KLHL29: variants seen among roughly 807,000 people sequenced by gnomAD.
KLHL29 encodes the protein kelch-like protein 29.
A neutral mutation model predicts 80.4 loss-of-function variants in KLHL29; 21 were observed. The observed-to-expected ratio is 0.26, with a 90% CI of 0.19 to 0.38. The LOEUF is 0.38. Ranked by LOEUF, KLHL29 falls within the 10% of genes least tolerant of loss-of-function variation. The pLI is 1.00. For missense variants in KLHL29, 867 were observed against 1,223.9 expected, an observed-to-expected ratio of 0.71 and a Z score of 4.35; for synonymous variants, 511 against 526.8, an observed-to-expected ratio of 0.97 and a Z score of 0.41.
At chr2:23,544,341 T>C (rs1200954524) in intron 2 of KLHL29, among the ~76,000 whole-genome samples, 1 of 152,104 alleles carries the variant, frequency 6.6e-6, no homozygotes, top group Admixed American at 6.5e-5. Flanking sequence ...TGAGAGCAGG[T>C]CTCCGGGGCT....
intron 5 of KLHL29, among the ~76,000 whole-genome samples, chr2:23,652,339 A>G (rs1426141304): frequency 1.3e-5 from 2 of 152,214 alleles, no homozygotes; most frequent in African/African-American, 4.8e-5. Flanking sequence ...ACTAAGCAGG[A>G]ACCACCGATC....
intron 12 of KLHL29, 149 bp from the exon 13 acceptor site, chr2:23,703,570 T>C (rs769425403): frequency 8.1e-6 from 9 of 1,114,388 alleles, no homozygotes; most frequent in Non-Finnish European, 1.1e-5. Context: ...GGCTCCAGGT[T>C]CCCCTAGGCC....
chr2:23,435,492 C>T (rs529322906), intron 1 of KLHL29, among the ~76,000 whole-genome samples: 157 of 152,120 alleles, frequency 1.0e-3, no homozygotes, highest in African/African-American at 3.6e-3. Context: ...ACAGTCATAG[C>T]GTGACAAAGA....
Position 23,627,680 on chromosome 2 carries a change from C to G in KLHL29, c.286-11459C>G, listed in dbSNP as rs182665106. ...TCGGTGTGACTCTGCCGCGTCCCCT[C>G]TCTTGTTAGGTGTCTAATAAGGTCG... On this transcript the variant is annotated intron_variant, in intron 3 of 13. Transcript: ENST00000486442. Among the ~76,000 whole-genome samples, 677 of 152,128 alleles carry G rather than the reference C, an allele frequency of 4.5e-3. 6 individuals carry two copies. Among genetic ancestry groups the G allele is most frequent in the African/African-American group, 0.015 (638 of 41,492 alleles).
At chr2:23,458,308 A>G (rs1374417025) in intron 1 of KLHL29, among the ~76,000 whole-genome samples, 1 of 152,250 alleles carries the variant, frequency 6.6e-6, no homozygotes, top group South Asian at 2.1e-4. Context: ...CTGTTTCTAT[A>G]AAGTAAGTAT....
At chr2:23,442,017 G>C (rs1301575232) in intron 1 of KLHL29, among the ~76,000 whole-genome samples, 2 of 152,214 alleles carry the variant, frequency 1.3e-5, no homozygotes, top group African/African-American at 4.8e-5. Flanking sequence ...AGGTTTTGCA[G>C]ATGTGATTAA....
rs142807776 is a variant in KLHL29, at chr2:23,704,053, C to T, written c.2444+190C>T. ...GGTGGAGCCCACGGCAGCCTCTGGTCCAGGAGCCCAACCCCGGGGCTCCAG... is the reference window on the plus strand; with the variant it reads ...GGTGGAGCCCACGGCAGCCTCTGGTTCAGGAGCCCAACCCCGGGGCTCCAG... On this transcript the variant is annotated intron_variant, in intron 13 of 13. Transcript: ENST00000486442. Among the ~76,000 whole-genome samples the T allele has an allele frequency of 2.1e-3, 324 of 152,334 alleles. 1 individual carries two copies. The highest frequency in any genetic ancestry group is 3.6e-3 in the Non-Finnish European group (244 of 68,034).
chr2:23,677,000 G>C (rs1369542244), intron 5 of KLHL29, among the ~76,000 whole-genome samples: 1 of 152,194 alleles, frequency 6.6e-6, no homozygotes, highest in Non-Finnish European at 1.5e-5. Context: ...GCCCAAGCTG[G>C]CAGCCACCTC....
chr2:23,659,280 G>T (rs1163627018), intron 5 of KLHL29, among the ~76,000 whole-genome samples: 1 of 152,190 alleles, frequency 6.6e-6, no homozygotes, highest in Non-Finnish European at 1.5e-5. Context: ...TTACCTTCCA[G>T]ACACTCTTCT....
intron 2 of KLHL29, among the ~76,000 whole-genome samples, chr2:23,543,393 G>T (rs1666897477): frequency 6.6e-6 from 1 of 152,132 alleles, no homozygotes; most frequent in Non-Finnish European, 1.5e-5. Context: ...GGGATGTGCG[G>T]GAGGGTTAAA....
chr2:23,566,024 G>T (rs1667582345), intron 3 of KLHL29, among the ~76,000 whole-genome samples: 1 of 152,246 alleles, frequency 6.6e-6, no homozygotes, highest in Non-Finnish European at 1.5e-5. Flanking sequence ...CAGGCTCTTT[G>T]GGTGAGGAGG....
intron 1 of KLHL29, among the ~76,000 whole-genome samples, chr2:23,389,829 A>G (rs151162148): frequency 2.7e-3 from 405 of 152,330 alleles, no homozygotes; most frequent in Non-Finnish European, 3.7e-3. Context: ...TAGTTTGTGT[A>G]GAAGATAGTC....
intron 1 of KLHL29, among the ~76,000 whole-genome samples, chr2:23,403,661 G>A (rs1666647137): frequency 6.7e-6 from 1 of 150,148 alleles, no homozygotes; most frequent in Non-Finnish European, 1.5e-5. Context: ...TAATGATGAT[G>A]AAAACAATAA....
At chr2:23,424,147 A>T (rs556536329) in intron 1 of KLHL29, among the ~76,000 whole-genome samples, 2 of 152,324 alleles carry the variant, frequency 1.3e-5, no homozygotes, top group African/African-American at 4.8e-5. Context: ...TACTTCTAGA[A>T]CAAGTGCTTG....
At chr2:23,666,743 C>T (rs1324342600) in intron 5 of KLHL29, among the ~76,000 whole-genome samples, 1 of 152,222 alleles carries the variant, frequency 6.6e-6, no homozygotes, top group Admixed American at 6.5e-5. Flanking sequence ...AGGCAGACAG[C>T]ACATGTGGAG....
chr2:23,677,425 C>T (rs184447222), intron 5 of KLHL29, among the ~76,000 whole-genome samples: 74 of 152,340 alleles, frequency 4.9e-4, no homozygotes, highest in Non-Finnish European at 6.8e-4. Context: ...ACCCTAAGTC[C>T]AGGCAAGAAG....
rs1031054379 is a variant in KLHL29, at chr2:23,644,854, G to A, written c.940+2004G>A. On this transcript the variant is annotated intron_variant, in intron 5 of 13. Coordinates refer to ENST00000486442, the MANE Select transcript of KLHL29 (RefSeq NM_052920.2). ...GGCCAGGTGTGAGGGCCAGGGATGG[G>A]GTGGGCCTAGAAAGTGTCCTCAGCC... Among the ~76,000 whole-genome samples, 3 of 152,246 alleles carry A rather than the reference G, an allele frequency of 2.0e-5. No individual in the cohort carries two copies. In the East Asian group the frequency reaches 5.8e-4, roughly 29 times the overall value.
intron 1 of KLHL29, among the ~76,000 whole-genome samples, chr2:23,469,448 G>A (rs527285449): frequency 3.9e-5 from 6 of 152,322 alleles, no homozygotes; most frequent in South Asian, 2.1e-4. Flanking sequence ...GCAGGAGCAC[G>A]CCACGCAGCC....
intron 1 of KLHL29, among the ~76,000 whole-genome samples, chr2:23,421,608 T>C (rs549781667): frequency 2.7e-5 from 4 of 149,296 alleles, no homozygotes; most frequent in Admixed American, 1.3e-4. Context: ...GCATGTCTGC[T>C]TTGTGTGTCT....
Sources: gnomAD v4.1 joint callset for allele counts (sites outside exome capture counted in the v4.1 genomes callset) on GRCh38, gnomAD v4.1.1 for gene constraint, MANE v1.5 for transcripts, NCBI Gene and HGNC (gene_info 2026-07-23, HGNC 2026-07-21) for gene names.